Variants in PPIP5K2 observed in about 807,000 individuals in gnomAD.
PPIP5K2 encodes the protein inositol hexakisphosphate and diphosphoinositol-pentakisphosphate kinase 2.
In PPIP5K2, 105 loss-of-function variants were observed where a neutral mutation model predicts 154.6. The observed-to-expected ratio is 0.68, with a 90% CI of 0.58 to 0.80. The LOEUF (loss-of-function observed/expected upper bound fraction) is 0.80, where lower values mean the gene tolerates loss of function less well. PPIP5K2 is among the 30% of genes least tolerant of loss of function. PPIP5K2 has a pLI of 0.00. For missense variants in PPIP5K2, 992 were observed against 1,504.6 expected (o/e 0.66, Z 5.64); for synonymous variants, 480 against 490.3 (o/e 0.98, Z 0.28).
At chr5:103,182,371 A>G (rs2149754650) in intron 24 of PPIP5K2, among the ~76,000 whole-genome samples, 4 of 152,302 alleles carry the variant, frequency 2.6e-5, no homozygotes. Flanking sequence ...ATAAATACTT[A>G]GTTGATTTCA....
chr5:103,149,348 A>G (rs1379419376), intron 8 of PPIP5K2, 35 bp downstream of exon 8: 1 of 1,543,172 alleles, frequency 6.5e-7, no homozygotes, highest in Non-Finnish European at 8.7e-7. Flanking sequence ...ATCCTTATAA[A>G]GGTAAATTCT....
intron 30 of PPIP5K2, among the ~76,000 whole-genome samples, chr5:103,198,824 T>G (rs1041159952): frequency 8.5e-5 from 13 of 152,192 alleles, no homozygotes; most frequent in Non-Finnish European, 1.5e-4. Context: ...TACTTTCTTA[T>G]GTTTTCTGTT....
At chr5:103,178,723 A>G (rs1167471682) in intron 23 of PPIP5K2, among the ~76,000 whole-genome samples, 4 of 151,604 alleles carry the variant, frequency 2.6e-5, no homozygotes, top group Non-Finnish European at 5.9e-5. Flanking sequence ...GACTTGGTAT[A>G]TTTCTGAGTT....
At chr5:103,166,255 T>A (rs1797100155) in intron 17 of PPIP5K2, among the ~76,000 whole-genome samples, 1 of 151,956 alleles carries the variant, frequency 6.6e-6, no homozygotes, top group Admixed American at 6.6e-5. Flanking sequence ...ATGAGATTGT[T>A]TTGAGAGAGT....
chr5:103,153,923 G>A lies in PPIP5K2; in HGVS notation c.1206G>A (p.Val402=). 1.2e-6 allele frequency: 2 copies of A among 1,601,768 alleles called. No homozygotes were observed. The highest frequency in any genetic ancestry group is 1.1e-5 in the South Asian group (1 of 89,936). ...RTPKQKMKME[V]RHQKFFDLFE... ...CAAAACAAAAAATGAAAATGGAAGT[G>A]AGACATCAGAAGTATGTTTTCAGAT... is the stretch of plus-strand genomic sequence containing the variant. Residue 402 remains valine (V), a synonymous_variant, in exon 11 of 31, where the codon GTG becomes GTA. Coordinates refer to ENST00000358359, the MANE Select transcript of PPIP5K2 (RefSeq NM_001276277.3).
At chr5:103,196,619 A>G (rs1476891647) in intron 30 of PPIP5K2, among the ~76,000 whole-genome samples, 4 of 152,182 alleles carry the variant, frequency 2.6e-5, no homozygotes, top group Non-Finnish European at 5.9e-5. Context: ...TTACATAGCT[A>G]GTAGTCAGTA....
intron 19 of PPIP5K2, among the ~76,000 whole-genome samples, chr5:103,171,894 A>G (rs1211214038): frequency 6.6e-6 from 1 of 151,604 alleles, no homozygotes; most frequent in African/African-American, 2.4e-5. Context: ...CAATAAGGCT[A>G]TATATACATT....
intron 8 of PPIP5K2, among the ~76,000 whole-genome samples, chr5:103,150,698 G>A (rs1423659961): frequency 6.6e-6 from 1 of 152,066 alleles, no homozygotes; most frequent in African/African-American, 2.4e-5. Flanking sequence ...TTGAACCTGG[G>A]AAGTGGAGGT....
At chr5:103,134,841 T>G (rs1791208937) in intron 3 of PPIP5K2, among the ~76,000 whole-genome samples, 1 of 152,202 alleles carries the variant, frequency 6.6e-6, no homozygotes, top group Non-Finnish European at 1.5e-5. Context: ...AGCGATGAAT[T>G]CTGAGAGTCT....
At position 103,187,322 on chromosome 5, in the gene PPIP5K2, C is replaced by A; in HGVS notation, c.3298C>A (p.Arg1100Ser). 6.5e-7 allele frequency: 1 copy of A among 1,535,010 alleles called. No individual in the cohort carries two copies. The highest frequency in any genetic ancestry group is 1.4e-5 in the African/African-American group (1 of 73,066). ...TSSGCIDDAT[R>S]GSAVKRFSIS... is the part of the protein sequence containing the mutation. ...GTTTTTCTCTTTCTTAGACGCCACA[C>A]GCGGTTCTGCTGTTAAAAGGTTTTC... is the stretch of plus-strand genomic sequence containing the variant. The change falls in exon 28 of 31, where the codon CGC becomes AGC. Residue 1100 changes from arginine (R) to serine (S), a missense_variant. By Grantham distance (110) the Arg-to-Ser change is moderately radical. This residue lies in a region of PPIP5K2 where 204 missense variants were observed against 224.0 expected (regional missense o/e 0.91). Transcript: ENST00000358359.
chr5:103,179,931 A>G (rs1799254043), intron 23 of PPIP5K2, 90 bp from the exon 24 acceptor site: 7 of 1,114,992 alleles, frequency 6.3e-6, no homozygotes, highest in Non-Finnish European at 8.6e-6. Context: ...ATGTATTTCA[A>G]GTACCTCTAC....
chr5:103,196,373 A>G (rs1802092324), intron 30 of PPIP5K2, among the ~76,000 whole-genome samples: 1 of 152,212 alleles, frequency 6.6e-6, no homozygotes, highest in East Asian at 1.9e-4. Context: ...ACAGATTTGA[A>G]CCTTGCACAT....
At chr5:103,146,404 G>GT (rs1793765852) in intron 5 of PPIP5K2, 123 bp from the exon 6 acceptor site, 1 of 956,366 alleles carries the variant, frequency 1.0e-6, no homozygotes. Flanking sequence ...TTAAAATCAA[G>GT]TAAGTACATT....
rs2149900204 is a variant in PPIP5K2 at position 103,212,403 on chromosome 5, A to T, written c.*10769A>T. The T allele has an allele frequency of 6.6e-6, 1 of 152,348 alleles. No individual in the cohort carries two copies. Among genetic ancestry groups the T allele is most frequent in the South Asian group, 2.1e-4 (1 of 4,832 alleles). The allele number at this position is 152,348 out of a possible 1,614,324, so 9.4% of individuals were successfully genotyped here. A position where few individuals can be genotyped will look rare whatever the true frequency, so the allele number is the denominator to read the frequency against. ...ATCCCAGGAGAGTTGTTGCCTGAGG[A>T]ACTAGATGGTGGTATGTTATTCTGG... On this transcript the variant is annotated 3_prime_UTR_variant, in exon 31 of 31. Transcript: ENST00000358359.
At chr5:103,180,840 ACTCT>A (rs1190357042) in intron 24 of PPIP5K2, among the ~76,000 whole-genome samples, 2 of 143,602 alleles carry the variant, frequency 1.4e-5, no homozygotes, top group Admixed American at 1.4e-4. Flanking sequence ...ACAGAGCAAG[ACTCT>A]CCCCAAAAAA....
chr5:103,123,079 A>G (rs1271534451), intron 1 of PPIP5K2, among the ~76,000 whole-genome samples: 7 of 152,222 alleles, frequency 4.6e-5, no homozygotes, highest in African/African-American at 7.2e-5. Flanking sequence ...GATACATTCT[A>G]AATTGAGTTA....
rs782059659 is a variant in PPIP5K2 at position 103,180,189 on chromosome 5, G to A, written c.2922+1G>A. Reference sequence around the variant, plus strand: ...ATCTAGGAAGACGGCTACAAATGATGTAAGTATATGTATCAGAACACATTT... The same window carrying A: ...ATCTAGGAAGACGGCTACAAATGATATAAGTATATGTATCAGAACACATTT... On this transcript the variant is annotated splice_donor_variant, in intron 24 of 30. Coordinates refer to ENST00000358359, the MANE Select transcript of PPIP5K2 (RefSeq NM_001276277.3). LOFTEE classifies it high-confidence loss of function. 8.9e-6 allele frequency: 14 copies of A among 1,580,340 alleles called. No individual in the cohort carries two copies. The South Asian group carries it at 1.2e-4, about 13-fold the overall frequency.
intron 7 of PPIP5K2, 89 bp downstream of exon 7, chr5:103,148,121 C>T: frequency 1.1e-6 from 1 of 913,756 alleles, no homozygotes; most frequent in Non-Finnish European, 1.8e-6. Context: ...TATATCTAAC[C>T]TTTATTCTGG....
rs541416210 is a variant in PPIP5K2, at chr5:103,208,385, G to C, written c.*6751G>C. The C allele has an allele frequency of 6.6e-6, 1 of 152,148 alleles. No individual in the cohort carries two copies. The highest frequency in any genetic ancestry group is 1.5e-5 in the Non-Finnish European group (1 of 68,076). 9.4% of individuals were successfully genotyped at this position (152,148 alleles called of 1,614,324 possible). A position where few individuals can be genotyped will look rare whatever the true frequency, so the allele number is the denominator to read the frequency against. ...ATTACAGGCATGAGCCATCATGCCC[G>C]GCCGTAGGTTGGCATTTTAAGCTCA... On this transcript the variant is annotated 3_prime_UTR_variant, in exon 31 of 31. Coordinates refer to ENST00000358359, the MANE Select transcript of PPIP5K2 (RefSeq NM_001276277.3).
Sources: gnomAD v4.1 joint callset for allele counts (sites outside exome capture counted in the v4.1 genomes callset) on GRCh38, gnomAD v4.1.1 for gene constraint, gnomAD v4.1.1 regional missense constraint, MANE v1.5 for transcripts, NCBI Gene and HGNC (gene_info 2026-07-23, HGNC 2026-07-21) for gene names.